Variants in ARFGEF1 observed in about 807,000 individuals in gnomAD.
The protein encoded by ARFGEF1 is ARF guanine nucleotide exchange factor 1.
A neutral mutation model predicts 231.0 loss-of-function variants in ARFGEF1; 42 were observed. That is an observed-to-expected ratio of 0.18 (90% confidence interval 0.14 to 0.24). The LOEUF (loss-of-function observed/expected upper bound fraction) is 0.24. ARFGEF1 is among the 10% of genes least tolerant of loss of function. The probability of loss-of-function intolerance (pLI) is 1.00; values close to 1 mark genes in which losing one functional copy is unlikely to be tolerated. For missense variants in ARFGEF1, 1,345 were observed against 2,192.0 expected (o/e 0.61, Z 7.72); for synonymous variants, 710 against 732.3 (o/e 0.97, Z 0.49).
chr8:67,246,360 G>C (rs567821152), intron 19 of ARFGEF1, among the ~76,000 whole-genome samples: 1 of 150,618 alleles, frequency 6.6e-6, no homozygotes, highest in Non-Finnish European at 1.5e-5. Context: ...CCATATGTTA[G>C]GACTCAAAAC....
chr8:67,197,560 CAA>C (rs1429016208), downstream of ARFGEF1: 1 of 919,410 alleles, frequency 1.1e-6, no homozygotes, highest in Non-Finnish European at 1.3e-6. Context: ...CAGAACCAAA[CAA>C]TATTGAATTT....
chr8:67,266,500 T>C (rs1804859179), intron 13 of ARFGEF1, among the ~76,000 whole-genome samples: 1 of 152,152 alleles, frequency 6.6e-6, no homozygotes, highest in South Asian at 2.1e-4. Context: ...TTTTCGATAA[T>C]ACCAGTGTAG....
At chr8:67,251,678 G>A (rs968490313) in intron 18 of ARFGEF1, among the ~76,000 whole-genome samples, 3 of 152,178 alleles carry the variant, frequency 2.0e-5, no homozygotes, top group African/African-American at 7.2e-5. Context: ...GGGGGAGACA[G>A]AATAAGGAGT....
At position 67,253,600 on chromosome 8, in the gene ARFGEF1, T is replaced by C. The variant is rs1377303552; in HGVS notation, c.2549A>G (p.Glu850Gly). Residue 850 changes from glutamate to glycine, a missense_variant, in exon 18 of 39, where the codon GAA (glutamate) becomes GGA (glycine). By Grantham distance (98) the Glu-to-Gly change is moderately conservative (BLOSUM62 -2). Around this residue, in one of 14 missense-constraint regions of ARFGEF1, gnomAD observed 58 missense variants for 133.6 expected, o/e 0.43. Transcript: ENST00000262215. ...ACCTCTATTCATCTTAATGTATTGT[T>C]CCTTTGTCATTTTATTTTTCACCTA... ...SPQVKNKMTK[E>G]QYIKMNRGIN... 6.6e-7 allele frequency: 1 copy of C among 1,513,414 alleles called. No homozygotes were observed. Among genetic ancestry groups the C allele is most frequent in the Non-Finnish European group, 8.9e-7 (1 of 1,120,456 alleles). The allele number at this position is 1,513,414 out of a possible 1,614,324, so 93.7% of individuals were successfully genotyped here.
At chr8:67,291,808 C>T in intron 6 of ARFGEF1, 39 bp downstream of exon 6, 3 of 1,596,958 alleles carry the variant, frequency 1.9e-6, no homozygotes, top group Non-Finnish European at 2.6e-6. Flanking sequence ...ACACATTTCC[C>T]TTAACACACA....
chr8:67,180,646 G>A (rs868750242), intron 5 of ARFGEF1, among the ~76,000 whole-genome samples: 1 of 152,074 alleles, frequency 6.6e-6, no homozygotes, highest in African/African-American at 2.4e-5. Flanking sequence ...TATCAGTATC[G>A]ATATCCTGGT....
At chr8:67,298,852 G>A (rs1163022224) in intron 4 of ARFGEF1, among the ~76,000 whole-genome samples, 4 of 152,070 alleles carry the variant, frequency 2.6e-5, no homozygotes, top group Admixed American at 6.6e-5. Context: ...TGCAACCTCC[G>A]CCTCCCAGGT....
intron 34 of ARFGEF1, among the ~76,000 whole-genome samples, chr8:67,210,714 G>T (rs1474971582): frequency 6.6e-6 from 1 of 152,178 alleles, no homozygotes; most frequent in Non-Finnish European, 1.5e-5. Flanking sequence ...CTGCAAGAGG[G>T]CATCTATCTA....
chr8:67,219,827 T>C (rs1490420064), intron 29 of ARFGEF1, among the ~76,000 whole-genome samples: 1 of 152,212 alleles, frequency 6.6e-6, no homozygotes, highest in East Asian at 1.9e-4. Context: ...CAATGCAGCA[T>C]TTAAAAAACT....
chr8:67,217,666 TA>T, intron 32 of ARFGEF1, 115 bp downstream of exon 32: 1 of 1,133,862 alleles, frequency 8.8e-7, no homozygotes, highest in South Asian at 1.6e-5. Context: ...AAGACAAGCT[TA>T]AAAGGATTTC....
chr8:67,311,902 C>T (rs1032283285), intron 1 of ARFGEF1, among the ~76,000 whole-genome samples: 3 of 152,150 alleles, frequency 2.0e-5, no homozygotes, highest in Non-Finnish European at 4.4e-5. Context: ...AAGAAAAATT[C>T]TTCTGCCTTG....
rs536096407 is a variant in ARFGEF1 at position 67,255,804 on chromosome 8, C to T, written c.2526+1928G>A. Among the ~76,000 whole-genome samples, 12 of 152,342 alleles carry T rather than the reference C, an allele frequency of 7.9e-5. No individual in the cohort carries two copies. In the East Asian group the frequency reaches 2.3e-3, roughly 29 times the overall value. On this transcript the variant is annotated intron_variant, in intron 17 of 38. Coordinates refer to ENST00000262215, the MANE Select transcript of ARFGEF1 (RefSeq NM_006421.5). Reference sequence around the variant, plus strand: ...GCCACCGCTAGACTAGGACTCCAAGCACATGTTCTGCAAACAGGCACTGTT... The same window carrying T: ...GCCACCGCTAGACTAGGACTCCAAGTACATGTTCTGCAAACAGGCACTGTT...
chr8:67,317,785 G>C (rs893744998), intron 1 of ARFGEF1, among the ~76,000 whole-genome samples: 3 of 151,288 alleles, frequency 2.0e-5, no homozygotes, highest in African/African-American at 7.3e-5. Flanking sequence ...TGTAGTCCCA[G>C]CTACTCGGGA....
intron 18 of ARFGEF1, among the ~76,000 whole-genome samples, chr8:67,252,282 CAAAAAAAAAAAAA>C (rs57653248): frequency 2.2e-3 from 48 of 21,882 alleles, no homozygotes; most frequent in African/African-American, 5.8e-3. Flanking sequence ...AACTCCATCT[CAAAAAAAAAAAAA>C]AAAAAAAAAA....
Position 67,257,852 on chromosome 8 carries a change from C to T in ARFGEF1, c.2442-36G>A, listed in dbSNP as rs1280490420. 5 of 1,525,284 alleles carry T rather than the reference C, an allele frequency of 3.3e-6. No homozygotes were observed. In the East Asian group the frequency reaches 9.0e-5, roughly 27 times the overall value. 94.5% of individuals were successfully genotyped at this position (1,525,284 alleles called of 1,614,324 possible). On this transcript the variant is annotated intron_variant, in intron 16 of 38. Transcript: ENST00000262215. ...AAATGTATCATGTTATAAACTTCTA[C>T]TGTTTTATATAGTTTCATTTAAATA...
At chr8:67,217,382 G>A (rs1036448670) in intron 32 of ARFGEF1, among the ~76,000 whole-genome samples, 5 of 149,536 alleles carry the variant, frequency 3.3e-5, no homozygotes, top group Middle Eastern at 3.6e-3. Flanking sequence ...AAGCTGTTAC[G>A]AAATACGAAA....
At chr8:67,319,666 C>A (rs2128926671) in intron 1 of ARFGEF1, among the ~76,000 whole-genome samples, 1 of 152,080 alleles carries the variant, frequency 6.6e-6, no homozygotes, top group South Asian at 2.1e-4. Flanking sequence ...AGATAAAATA[C>A]CAAAAGCATG....
chr8:67,276,080 A>C lies in ARFGEF1; in HGVS notation c.1233T>G (p.Pro411=), dbSNP rs1185207814. 1 of 1,613,386 alleles carries C rather than the reference A, an allele frequency of 6.2e-7. No individual in the cohort carries two copies. Among genetic ancestry groups the C allele is most frequent in the Admixed American group, 1.7e-5 (1 of 59,994 alleles). The change falls in exon 9 of 39, where the codon CCT becomes CCG. Residue 411 remains proline, a synonymous_variant. Transcript: ENST00000262215. The part of the protein sequence containing the change: ...QESGNSSGPS[P]GAKFSHILQK... Reference sequence around the variant, plus strand: ...GTAAAATGTGGGAAAACTTAGCACCAGGTGAAGGTCCTGAAGAATTTCCAG... The same window carrying C: ...GTAAAATGTGGGAAAACTTAGCACCCGGTGAAGGTCCTGAAGAATTTCCAG...
chr8:67,341,731 TTAATA>T (rs1224659622), intron 1 of ARFGEF1, among the ~76,000 whole-genome samples: 3 of 152,206 alleles, frequency 2.0e-5, no homozygotes, highest in Admixed American at 2.0e-4. Context: ...TCACTCCAAT[TTAATA>T]TTATTCCTTT....
Sources: allele counts gnomAD v4.1 joint callset (sites outside exome capture counted in the v4.1 genomes callset), GRCh38; gene constraint gnomAD v4.1.1; regional missense constraint gnomAD v4.1.1; transcripts MANE v1.5; gene names NCBI Gene and HGNC (gene_info 2026-07-23, HGNC 2026-07-21).